The following NHS variants were observed in gnomAD, a reference collection of about 807,000 sequenced individuals.
NHS encodes actin remodeling regulator NHS.
Under a neutral mutation model 72.5 loss-of-function variants are expected in NHS, and 5 were observed. The ratio of observed to expected loss-of-function variants is 0.07; its 90% CI spans 0.04 to 0.14. The LOEUF (loss-of-function observed/expected upper bound fraction) is 0.14, where lower values mean the gene tolerates loss of function less well. Among genes scored for constraint, NHS ranks in the 10% least tolerant of loss-of-function variants. The probability of loss-of-function intolerance (pLI) is 1.00; values close to 1 mark genes in which losing one functional copy is unlikely to be tolerated. For synonymous variants in NHS, 464 were observed against 547.7 expected, an observed-to-expected ratio of 0.85 and a Z score of 2.13; for missense variants, 1,072 against 1,355.7, an observed-to-expected ratio of 0.79 and a Z score of 3.29.
chrX:17,543,238 C>T (rs139654236), intron 1 of NHS, among the ~76,000 whole-genome samples: 1 of 112,000 alleles, frequency 8.9e-6, no homozygotes, highest in African/African-American at 3.3e-5. Flanking sequence ...CAGCATTATC[C>T]TTATCTGCAA....
At chrX:17,550,216 T>C (rs1288308423) in intron 1 of NHS, among the ~76,000 whole-genome samples, 2 of 112,172 alleles carry the variant, frequency 1.8e-5, no homozygotes, top group African/African-American at 6.5e-5. Context: ...AGTCTGAGCT[T>C]GTTCCTGACC....
intron 1 of NHS, among the ~76,000 whole-genome samples, chrX:17,582,528 C>G (rs1398906690): frequency 8.9e-6 from 1 of 112,136 alleles, no homozygotes; most frequent in East Asian, 2.8e-4. Context: ...CCTCTGGTGG[C>G]TTTGAGAAGA....
At chrX:17,386,240 T>C (rs773649835) in intron 1 of NHS, among the ~76,000 whole-genome samples, 1 of 112,061 alleles carries the variant, frequency 8.9e-6, no homozygotes, top group African/African-American at 3.2e-5. Context: ...TAAGCTTTCT[T>C]CATCCCAGGT....
At chrX:17,562,697 ATC>A (rs958965865) in intron 1 of NHS, among the ~76,000 whole-genome samples, 1 of 112,254 alleles carries the variant, frequency 8.9e-6, no homozygotes, top group African/African-American at 3.2e-5. Context: ...TAAACAAAGA[ATC>A]TTTAAAGAAA....
At chrX:17,569,155 A>C (rs1255368408) in intron 1 of NHS, among the ~76,000 whole-genome samples, 1 of 112,009 alleles carries the variant, frequency 8.9e-6, no homozygotes, top group African/African-American at 3.3e-5. Flanking sequence ...TAGTAGAATG[A>C]TTTGTAATCC....
chrX:17,633,690 C>T (rs1355557421), intron 1 of NHS, among the ~76,000 whole-genome samples: 1 of 111,841 alleles, frequency 8.9e-6, no homozygotes, highest in Non-Finnish European at 1.9e-5. Context: ...GGTTTTTAAA[C>T]ACCAAGTGCA....
At chrX:17,609,379 G>A (rs188409609) in intron 1 of NHS, among the ~76,000 whole-genome samples, 3 of 111,717 alleles carry the variant, frequency 2.7e-5, no homozygotes, top group East Asian at 5.7e-4. Flanking sequence ...GAGCTCACCA[G>A]GACACAAGGC....
At chrX:17,628,736 C>A (rs7058900) in intron 1 of NHS, among the ~76,000 whole-genome samples, 27,757 of 112,604 alleles carry the variant, frequency 0.25, 6,115 homozygotes, top group African/African-American at 0.71. Context: ...CCAGGCTCTG[C>A]CATTTACCAC....
At position 17,414,383 on chromosome X, in the gene NHS, G is replaced by T. The variant is rs1305905001; in HGVS notation, c.565+38061G>T. Among the ~76,000 whole-genome samples, 4 of 112,251 alleles carry T rather than the reference G, an allele frequency of 3.6e-5. No individual in the cohort carries two copies. In the East Asian group the frequency reaches 1.1e-3, roughly 31 times the overall value. On this transcript the variant is annotated intron_variant, in intron 1 of 8. Transcript: ENST00000676302. Reference sequence around the variant, plus strand: ...ATTCATAAATTCCATCAGCATGTTTGGTCATGAATGTCAGTGTGACATTTC... The same window carrying T: ...ATTCATAAATTCCATCAGCATGTTTTGTCATGAATGTCAGTGTGACATTTC...
At chrX:17,615,779 A>AC (rs971322008) in intron 1 of NHS, among the ~76,000 whole-genome samples, 6 of 33,338 alleles carry the variant, frequency 1.8e-4, no homozygotes, top group Non-Finnish European at 2.7e-4. Flanking sequence ...TGCACTGCCC[A>AC]CCCCCCCACC....
chrX:17,458,955 ACT>A (rs1358510964), intron 1 of NHS, among the ~76,000 whole-genome samples: 2 of 111,982 alleles, frequency 1.8e-5, no homozygotes, highest in African/African-American at 6.5e-5. Context: ...CTGACTCTGG[ACT>A]CTACCCCCAG....
Position 17,568,427 on chromosome X carries a change from G to T in NHS, c.566-119315G>T, listed in dbSNP as rs1208360237. Among the ~76,000 whole-genome samples the T allele has an allele frequency of 2.7e-5, 3 of 111,133 alleles. No homozygotes were observed. The East Asian group carries it at 8.4e-4, about 31-fold the overall frequency. ...GCATATGGCACATAGTAAATGATCA[G>T]AAAATAGTAGTTACTATAATCTGAT... On this transcript the variant is annotated intron_variant, in intron 1 of 8. Transcript: ENST00000676302.
chrX:17,557,264 T>C (rs1424719995), intron 1 of NHS: 1 of 103,387 alleles, frequency 9.7e-6, no homozygotes, highest in Admixed American at 1.1e-4. Flanking sequence ...ATGATGAGAG[T>C]CAGGGTGTAA....
chrX:17,537,314 G>A (rs1049803280), intron 1 of NHS, among the ~76,000 whole-genome samples: 2 of 112,179 alleles, frequency 1.8e-5, no homozygotes, highest in Non-Finnish European at 3.8e-5. Flanking sequence ...AATGAACAAT[G>A]AAATTCCTGT....
chrX:17,559,764 G>A (rs920081817), intron 1 of NHS, among the ~76,000 whole-genome samples: 1 of 111,553 alleles, frequency 9.0e-6, no homozygotes, highest in Non-Finnish European at 1.9e-5. Context: ...CTTAATAATG[G>A]GAACCAAGGT....
chrX:17,618,786 C>G (rs1359352398), intron 1 of NHS, among the ~76,000 whole-genome samples: 1 of 111,962 alleles, frequency 8.9e-6, no homozygotes, highest in Non-Finnish European at 1.9e-5. Context: ...TGATTGTCAC[C>G]TGGAGGAGGA....
intron 1 of NHS, among the ~76,000 whole-genome samples, chrX:17,506,650 C>A (rs1466808585): frequency 9.0e-6 from 1 of 111,641 alleles, no homozygotes; most frequent in African/African-American, 3.3e-5. Context: ...CTCCTTGTGA[C>A]TGTTGGTAAT....
intron 1 of NHS, among the ~76,000 whole-genome samples, chrX:17,559,433 G>A (rs2065400626): frequency 8.9e-6 from 1 of 112,016 alleles, no homozygotes; most frequent in Admixed American, 9.4e-5. Context: ...GGTGCTTTTA[G>A]CTGGAACCTG....
chrX:17,396,930 A>ATT (rs765095130), intron 1 of NHS, among the ~76,000 whole-genome samples: 13 of 111,153 alleles, frequency 1.2e-4, no homozygotes, highest in African/African-American at 4.3e-4. Context: ...TCCAGATTGC[A>ATT]TTTTTTTTCA....
Sources: gnomAD v4.1 joint callset for allele counts (sites outside exome capture counted in the v4.1 genomes callset) on GRCh38, gnomAD v4.1.1 for gene constraint, MANE v1.5 for transcripts, NCBI Gene and HGNC (gene_info 2026-07-23, HGNC 2026-07-21) for gene names.